The following ADGRL2 variants were observed in gnomAD, a reference collection of about 807,000 sequenced individuals.
The protein encoded by ADGRL2 is calcium-independent alpha-latrotoxin receptor 2.
A neutral mutation model predicts 157.4 loss-of-function variants in ADGRL2; 44 were observed. That is an observed-to-expected ratio of 0.28 (90% CI 0.22 to 0.36). The LOEUF (loss-of-function observed/expected upper bound fraction) is 0.36. Among genes scored for constraint, ADGRL2 ranks in the 10% least tolerant of loss-of-function variants. ADGRL2 has a pLI of 1.00. For synonymous variants in ADGRL2, 585 were observed against 624.7 expected (o/e 0.94, Z 0.95); for missense variants, 1,510 against 1,768.9 (o/e 0.85, Z 2.63).
intron 1 of ADGRL2, among the ~76,000 whole-genome samples, chr1:81,407,010 GT>G (rs1339147786): frequency 3.3e-5 from 5 of 152,064 alleles, no homozygotes; most frequent in Non-Finnish European, 7.4e-5. Context: ...TTACATTTGG[GT>G]TGAGCTCCTT....
intron 11 of ADGRL2, among the ~76,000 whole-genome samples, chr1:81,958,821 A>G (rs1654438887): frequency 6.6e-6 from 1 of 152,086 alleles, no homozygotes; most frequent in Non-Finnish European, 1.5e-5. Context: ...GAAACCACTG[A>G]TGTGCTTTTC....
intron 3 of ADGRL2, among the ~76,000 whole-genome samples, chr1:81,613,837 T>C (rs898015591): frequency 2.0e-5 from 3 of 152,202 alleles, no homozygotes; most frequent in African/African-American, 7.2e-5. Context: ...ACAATTTCCA[T>C]TGCTGATTTA....
At chr1:81,347,511 T>A (rs184958380) in intron 1 of ADGRL2, among the ~76,000 whole-genome samples, 1 of 152,318 alleles carries the variant, frequency 6.6e-6, no homozygotes. Flanking sequence ...AATTGTTTCC[T>A]AGTATTTTGT....
At chr1:81,567,017 A>G (rs527888638) in intron 2 of ADGRL2, among the ~76,000 whole-genome samples, 1 of 152,248 alleles carries the variant, frequency 6.6e-6, no homozygotes, top group Non-Finnish European at 1.5e-5. Flanking sequence ...GTATATGCAA[A>G]TTACTTCAAG....
intron 1 of ADGRL2, among the ~76,000 whole-genome samples, chr1:81,385,263 T>C (rs1052773650): frequency 2.8e-4 from 42 of 152,072 alleles, no homozygotes; most frequent in African/African-American, 9.2e-4. Flanking sequence ...GCTTGGTGAG[T>C]ACTGAAAAAT....
At chr1:81,705,146 G>A (rs998324944) in intron 1 of ADGRL2, among the ~76,000 whole-genome samples, 2 of 152,030 alleles carry the variant, frequency 1.3e-5, no homozygotes, top group Non-Finnish European at 2.9e-5. Flanking sequence ...TCCACCTCTC[G>A]GGTTCAAGCA....
chr1:81,352,919 T>C (rs1355619666), intron 1 of ADGRL2, among the ~76,000 whole-genome samples: 1 of 152,082 alleles, frequency 6.6e-6, no homozygotes, highest in Non-Finnish European at 1.5e-5. Context: ...GATTTGGGAA[T>C]GGGATAGAAA....
intron 1 of ADGRL2, among the ~76,000 whole-genome samples, chr1:81,444,117 T>A (rs1425002373): frequency 1.3e-5 from 2 of 152,218 alleles, no homozygotes; most frequent in African/African-American, 4.8e-5. Context: ...TGCCAATGTA[T>A]AATAATCCCT....
rs183742951 is a variant in ADGRL2, at chr1:81,355,813, G to A, written c.-302+49304G>A. ...TTACCAGGAGAATGGTGACCTACTC[G>A]CTCCCAGCCAGACCTGACCTTATCT... On this transcript the variant is annotated intron_variant, in intron 1 of 24. Coordinates refer to the ADGRL2 transcript ENST00000370721. Among the ~76,000 whole-genome samples, 134 of 152,186 alleles carry A rather than the reference G, an allele frequency of 8.8e-4. 1 individual carries two copies. The highest frequency in any genetic ancestry group is 3.2e-3 in the African/African-American group (132 of 41,520).
intron 3 of ADGRL2, among the ~76,000 whole-genome samples, chr1:81,581,828 T>C (rs1324640112): frequency 6.6e-6 from 1 of 151,478 alleles, no homozygotes; most frequent in African/African-American, 2.4e-5. Flanking sequence ...ACAAAGCTTT[T>C]CCAATCAAAT....
chr1:81,327,710 G>C (rs1239887415), intron 1 of ADGRL2, among the ~76,000 whole-genome samples: 1 of 152,084 alleles, frequency 6.6e-6, no homozygotes, highest in Non-Finnish European at 1.5e-5. Context: ...AAGAAGCTTA[G>C]ATATAATCAA....
intron 2 of ADGRL2, among the ~76,000 whole-genome samples, chr1:81,889,440 C>G (rs1039058178): frequency 5.3e-5 from 8 of 152,148 alleles, no homozygotes; most frequent in African/African-American, 1.9e-4. Context: ...AAAGCATAAT[C>G]CAGAGCAAGG....
chr1:81,688,661 C>T (rs868238038), intron 3 of ADGRL2, among the ~76,000 whole-genome samples: 1 of 152,058 alleles, frequency 6.6e-6, no homozygotes. Flanking sequence ...CTCCTGAATT[C>T]TTTTTCAAGT....
At chr1:81,470,683 C>G (rs2078152528) in intron 2 of ADGRL2, among the ~76,000 whole-genome samples, 1 of 152,138 alleles carries the variant, frequency 6.6e-6, no homozygotes, top group Non-Finnish European at 1.5e-5. Flanking sequence ...TATTTCTGAA[C>G]TATTGAACAC....
chr1:81,734,193 T>C (rs2084819554), intron 1 of ADGRL2, among the ~76,000 whole-genome samples: 1 of 149,996 alleles, frequency 6.7e-6, no homozygotes, highest in Non-Finnish European at 1.5e-5. Context: ...GGAGAATCGC[T>C]TAAACCCGGG....
chr1:81,512,081 G>A (rs575881268), intron 2 of ADGRL2, among the ~76,000 whole-genome samples: 41 of 152,056 alleles, frequency 2.7e-4, no homozygotes, highest in African/African-American at 9.4e-4. Context: ...TTTTAAACAC[G>A]TCTACATTTT....
chr1:81,710,008 C>A (rs561437684), intron 1 of ADGRL2, among the ~76,000 whole-genome samples: 2 of 152,272 alleles, frequency 1.3e-5, no homozygotes, highest in East Asian at 3.9e-4. Flanking sequence ...CAACTAATCA[C>A]CTGTGGTGTG....
chr1:81,760,648 T>A (rs2085846909), intron 1 of ADGRL2, among the ~76,000 whole-genome samples: 2 of 151,946 alleles, frequency 1.3e-5, no homozygotes, highest in Non-Finnish European at 2.9e-5. Flanking sequence ...AAGCCAAAGC[T>A]GCCACATTTG....
chr1:81,666,961 C>T (rs909349515), intron 3 of ADGRL2, among the ~76,000 whole-genome samples: 2 of 152,104 alleles, frequency 1.3e-5, no homozygotes, highest in Non-Finnish European at 2.9e-5. Context: ...AGAAAATGTT[C>T]AGTAGGTGAG....
Sources: allele counts gnomAD v4.1 joint callset (sites outside exome capture counted in the v4.1 genomes callset), GRCh38; gene constraint gnomAD v4.1.1; transcripts MANE v1.5; gene names NCBI Gene and HGNC (gene_info 2026-07-23, HGNC 2026-07-21).